Variants in CD72 observed in about 807,000 individuals in gnomAD.
CD72 encodes CD72 molecule.
CD72 carries 28 observed loss-of-function variants against 50.7 expected under a neutral mutation model. That is an observed-to-expected ratio of 0.55 (90% CI 0.41 to 0.76). The LOEUF is 0.76. Ranked by LOEUF, CD72 falls within the 30% of genes least tolerant of loss-of-function variation. The pLI is 0.00. For synonymous variants in CD72, 176 were observed against 171.2 expected, an observed-to-expected ratio of 1.03 and a Z score of -0.22; for missense variants, 403 against 420.6, an observed-to-expected ratio of 0.96 and a Z score of 0.37.
intron 1 of CD72, among the ~76,000 whole-genome samples, chr9:35,641,441 TTGAAAGACC>T (rs1488322396): frequency 6.6e-6 from 1 of 152,196 alleles, no homozygotes; most frequent in Non-Finnish European, 1.5e-5. Flanking sequence ...CTTGATAGTT[TTGAAAGACC>T]TGGTCCAGTA....
Position 35,616,661 on chromosome 9 carries a change from C to T in CD72, c.291G>A (p.Leu97=). The change falls in exon 4 of 9, where the codon CTG becomes CTA. Residue 97 remains leucine, a synonymous_variant. Transcript: ENST00000259633. ...PCRTTCLRYL[L]LGLLLTCLLL... is the part of the protein sequence containing the mutation. Reference sequence around the variant, plus strand: ...GCAGGCAGGTGAGGAGCAGGCCGAGCAGGAGGTATCGCAGGCAGGTTGTGC... The same window carrying T: ...GCAGGCAGGTGAGGAGCAGGCCGAGTAGGAGGTATCGCAGGCAGGTTGTGC... 6.2e-7 allele frequency: 1 copy of T among 1,613,802 alleles called. No individual in the cohort carries two copies. The highest frequency in any genetic ancestry group is 8.5e-7 in the Non-Finnish European group (1 of 1,179,988).
At chr9:35,621,735 A>G (rs904326082), upstream of CD72, among the ~76,000 whole-genome samples, 2 of 152,214 alleles carry the variant, frequency 1.3e-5, no homozygotes, top group African/African-American at 4.8e-5. Context: ...TGAGGGAAGG[A>G]GGGCCAGAGA....
intron 1 of CD72, among the ~76,000 whole-genome samples, chr9:35,644,590 T>C (rs1436200594): frequency 6.6e-6 from 1 of 152,278 alleles, no homozygotes; most frequent in African/African-American, 2.4e-5. Flanking sequence ...GAAGAAATCA[T>C]AGGGCAGTTC....
At chr9:35,633,832 C>T (rs1009926853) in intron 1 of CD72, among the ~76,000 whole-genome samples, 1 of 152,172 alleles carries the variant, frequency 6.6e-6, no homozygotes, top group East Asian at 1.9e-4. Context: ...CCCTGATAAA[C>T]CCATCGTAAA....
At chr9:35,633,251 ATTTTTGT>A (rs1260012534) in intron 1 of CD72, among the ~76,000 whole-genome samples, 1 of 140,388 alleles carries the variant, frequency 7.1e-6, no homozygotes, top group Non-Finnish European at 1.6e-5. Context: ...CCTTCTTAGT[ATTTTTGT>A]TTTTTGTTTT....
intron 1 of CD72, among the ~76,000 whole-genome samples, chr9:35,627,443 A>G (rs1235207993): frequency 1.4e-5 from 2 of 137,986 alleles, no homozygotes; most frequent in East Asian, 4.3e-4. Flanking sequence ...CATAACTTTT[A>G]TATGCATTGG....
In CD72 at chr9:35,616,188, G is replaced by C. The variant is rs558020346; in HGVS notation, c.443C>G (p.Thr148Arg). Residue 148 changes from threonine to arginine, a missense_variant, in exon 5 of 9, where the codon ACG becomes AGG. Physicochemically the swap from Thr to Arg is moderately conservative, Grantham distance 71. Coordinates refer to ENST00000259633, the MANE Select transcript of CD72 (RefSeq NM_001782.3). ...SLRQQLRLKI[T>R]QLGQSAEDLQ... Reference sequence around the variant, plus strand: ...ATCCTCTGCACTCTGTCCCAGCTGCGTTATCTTGAGGCGGAGCTGCTGCCT... The same window carrying C: ...ATCCTCTGCACTCTGTCCCAGCTGCCTTATCTTGAGGCGGAGCTGCTGCCT... The C allele has an allele frequency of 1.4e-5, 23 of 1,614,094 alleles. No homozygotes were observed. The highest frequency in any genetic ancestry group is 1.2e-5 in the Non-Finnish European group (14 of 1,180,000).
chr9:35,618,575 C>T (rs550773616), upstream of CD72: 29 of 740,044 alleles, frequency 3.9e-5, no homozygotes, highest in South Asian at 4.5e-4. Flanking sequence ...GGGGATGGGC[C>T]TGTCCCCATG....
rs1823069186 is a variant in CD72 at position 35,616,664 on chromosome 9, G to A, written c.288C>T (p.Leu96=). ...LPCRTTCLRY[L]LLGLLLTCLL... ...GGCAGGTGAGGAGCAGGCCGAGCAG[G>A]AGGTATCGCAGGCAGGTTGTGCGGC... The change falls in exon 4 of 9, where the codon CTC becomes CTT. Residue 96 remains leucine (L), a synonymous_variant. Coordinates refer to ENST00000259633, the MANE Select transcript of CD72 (RefSeq NM_001782.3). 2 of 1,613,740 alleles carry A rather than the reference G, an allele frequency of 1.2e-6. No homozygotes were observed. The highest frequency in any genetic ancestry group is 1.1e-5 in the South Asian group (1 of 91,070).
At chr9:35,621,551 G>A (rs548313046), upstream of CD72, among the ~76,000 whole-genome samples, 3 of 152,306 alleles carry the variant, frequency 2.0e-5, no homozygotes, top group East Asian at 5.8e-4. Flanking sequence ...GTTCACACCC[G>A]AATCCCCAGA....
chr9:35,641,101 C>T (rs149912723), intron 1 of CD72, among the ~76,000 whole-genome samples: 2,072 of 152,206 alleles, frequency 0.014, 47 homozygotes, highest in African/African-American at 0.046. Context: ...AACCCAAGTG[C>T]TGTTGGGGAG....
chr9:35,645,598 C>CA (rs111699815), intron 1 of CD72, among the ~76,000 whole-genome samples: 31,186 of 149,726 alleles, frequency 0.21, 3,642 homozygotes, highest in Admixed American at 0.28. Flanking sequence ...CAAAAACAAA[C>CA]AAAAAAAAAC....
chr9:35,635,608 G>C (rs1309693890), intron 1 of CD72, among the ~76,000 whole-genome samples: 2 of 152,148 alleles, frequency 1.3e-5, no homozygotes, highest in African/African-American at 4.8e-5. Context: ...CTGCCAGCAG[G>C]TTCCTCTGCC....
At chr9:35,623,520 C>CT (rs1458231063), upstream of CD72, among the ~76,000 whole-genome samples, 14 of 152,174 alleles carry the variant, frequency 9.2e-5, no homozygotes, top group East Asian at 2.7e-3. Flanking sequence ...TAAATACTAC[C>CT]TATAGCCCTT....
intron 1 of CD72, among the ~76,000 whole-genome samples, chr9:35,641,742 A>C (rs957341730): frequency 6.6e-6 from 1 of 151,978 alleles, no homozygotes; most frequent in South Asian, 2.1e-4. Flanking sequence ...TTTTGGCTTC[A>C]ATATCTGCTT....
chr9:35,633,188 C>T (rs566656605), intron 1 of CD72, among the ~76,000 whole-genome samples: 5 of 151,164 alleles, frequency 3.3e-5, no homozygotes, highest in East Asian at 2.0e-4. Flanking sequence ...GTGATTCTCC[C>T]GCCTTGGCTT....
chr9:35,610,853 G>T, intron 7 of CD72, 100 bp from the exon 8 acceptor site: 1 of 940,230 alleles, frequency 1.1e-6, no homozygotes, highest in Non-Finnish European at 1.7e-6. Context: ...AACTCACCCT[G>T]CCTGCCTAAG....
At chr9:35,625,962 C>A (rs186824411) in intron 1 of CD72, among the ~76,000 whole-genome samples, 1 of 152,196 alleles carries the variant, frequency 6.6e-6, no homozygotes, top group Non-Finnish European at 1.5e-5. Flanking sequence ...CACCCAAGAT[C>A]TCTGATGGAG....
rs752320713 is a variant in CD72, at chr9:35,610,771, A to C, written c.951-18T>G. 2 of 1,604,412 alleles carry C rather than the reference A, an allele frequency of 1.2e-6. No homozygotes were observed. Among genetic ancestry groups the C allele is most frequent in the South Asian group, 2.2e-5 (2 of 90,868 alleles). On this transcript the variant is annotated intron_variant, in intron 7 of 8. Transcript: ENST00000259633. ...CATAAGTCCTAAAAAGTAGTAAGGT[A>C]GAGCTGGGATATGCTCTGGACATAT...
Sources: gnomAD v4.1 joint callset for allele counts (sites outside exome capture counted in the v4.1 genomes callset) on GRCh38, gnomAD v4.1.1 for gene constraint, MANE v1.5 for transcripts, NCBI Gene and HGNC (gene_info 2026-07-23, HGNC 2026-07-21) for gene names.